MYOM1: variants seen among roughly 807,000 people sequenced by gnomAD.
The protein encoded by MYOM1 is myomesin 1, also known as myomesin-1.
Under a neutral mutation model 205.3 loss-of-function variants are expected in MYOM1, and 164 were observed. The ratio of observed to expected loss-of-function variants is 0.80; its 90% confidence interval spans 0.70 to 0.91. The LOEUF is 0.91. MYOM1 is among the 40% of genes least tolerant of loss of function. MYOM1 has a pLI of 0.00. For missense variants in MYOM1, 2,011 were observed against 2,127.3 expected, an observed-to-expected ratio of 0.95 and a Z score of 1.08; for synonymous variants, 772 against 789.4, an observed-to-expected ratio of 0.98 and a Z score of 0.37.
chr18:3,157,684 AATAATAATAATAAT>A, intron 10 of MYOM1, among the ~76,000 whole-genome samples: 1 of 38,750 alleles, frequency 2.6e-5, no homozygotes, highest in Non-Finnish European at 5.9e-5. Context: ...CTCCAAAAAT[AATAATAATAATAAT>A]AATAATAATA....
At chr18:3,235,477 C>T in the MYOM1 span, among the ~76,000 whole-genome samples, 1 of 152,228 alleles carries the variant, frequency 6.6e-6, no homozygotes, top group Non-Finnish European at 1.5e-5. Context: ...TCCCACTGAC[C>T]TTTGAAACAT....
chr18:3,083,853 C>T lies in MYOM1; in HGVS notation c.4420G>A (p.Gly1474Ser), dbSNP rs2143683082. The change falls in exon 33 of 38, where the codon GGC (glycine) becomes AGC (serine). Residue 1474 changes from glycine (G) to serine (S), a missense_variant. Gly to Ser is a moderately conservative substitution (Grantham distance 56, BLOSUM62 0). Coordinates refer to ENST00000356443, the MANE Select transcript of MYOM1 (RefSeq NM_003803.4). ...TDLKIQSTAE[G>S]IQLYSFVTYY... ...GTTACAAAAGAGTACAGTTGGATGC[C>T]CTCGGCTGTGCTCTGGATTTTCAGG... 6.3e-7 allele frequency: 1 copy of T among 1,584,206 alleles called. No homozygotes were observed. The highest frequency in any genetic ancestry group is 8.6e-7 in the Non-Finnish European group (1 of 1,163,878).
At chr18:3,113,688 C>T (rs9652946) in intron 21 of MYOM1, among the ~76,000 whole-genome samples, 132,525 of 151,888 alleles carry the variant, frequency 0.87, 58,332 homozygotes, top group East Asian at 0.97. Context: ...ATTACTATTA[C>T]CAATACTGTT....
intron 9 of MYOM1, 21 bp downstream of exon 9, chr18:3,168,796 G>A: frequency 6.2e-7 from 1 of 1,612,522 alleles, no homozygotes; most frequent in African/African-American, 1.3e-5. Context: ...ACCTAAGTGA[G>A]CATTCATTGT....
chr18:3,088,406 C>T (rs1314147233), intron 29 of MYOM1, among the ~76,000 whole-genome samples: 1 of 152,068 alleles, frequency 6.6e-6, no homozygotes, highest in Non-Finnish European at 1.5e-5. Context: ...AACTGATTTT[C>T]CTTATATGTA....
At chr18:3,177,846 C>T (rs2080670143) in intron 5 of MYOM1, among the ~76,000 whole-genome samples, 1 of 152,114 alleles carries the variant, frequency 6.6e-6, no homozygotes, top group Non-Finnish European at 1.5e-5. Context: ...ATGGCTCTTG[C>T]CTTGGAAGAA....
chr18:3,189,157 T>A lies in MYOM1; in HGVS notation c.432-70A>T. ...GATAAGATTGAGTAATTTTACTAAG[T>A]TCAAAGTACCACATCTCAGACACTG... On this transcript the variant is annotated intron_variant, in intron 3 of 37. Coordinates refer to ENST00000356443, the MANE Select transcript of MYOM1 (RefSeq NM_003803.4). The surrounding 1 kb of genome is among the most constrained non-coding windows in gnomAD (Gnocchi z 4.8). 7.0e-7 allele frequency: 1 copy of A among 1,422,472 alleles called. No individual in the cohort carries two copies. The highest frequency in any genetic ancestry group is 1.3e-5 in the South Asian group (1 of 77,020). The allele number at this position is 1,422,472 out of a possible 1,614,324, so 88.1% of individuals were successfully genotyped here.
the MYOM1 span, among the ~76,000 whole-genome samples, chr18:3,242,356 C>G: frequency 6.6e-6 from 1 of 152,164 alleles, no homozygotes; most frequent in Admixed American, 6.5e-5. Flanking sequence ...GATCTGATGG[C>G]TTTAAAAAGG....
intron 17 of MYOM1, among the ~76,000 whole-genome samples, chr18:3,129,745 G>A (rs186052545): frequency 1.1e-4 from 16 of 152,280 alleles, no homozygotes. Flanking sequence ...AAGAAGAAAT[G>A]AGAACAAAGA....
intron 21 of MYOM1, 114 bp from the exon 22 acceptor site, chr18:3,112,526 G>A: frequency 4.5e-6 from 3 of 665,764 alleles, no homozygotes; most frequent in Non-Finnish European, 7.2e-6. Context: ...CCTAGCACCA[G>A]GGATACAAGA....
Position 3,067,238 on chromosome 18 carries a change from G to T in MYOM1, c.*24C>A. On this transcript the variant is annotated 3_prime_UTR_variant, in exon 38 of 38. Coordinates refer to ENST00000356443, the MANE Select transcript of MYOM1 (RefSeq NM_003803.4). Reference sequence around the variant, plus strand: ...CATTCACACCCAAGTCACACAGGCCGGCTGGCTCTCCTCGCACCTCCGGTC... The same window carrying T: ...CATTCACACCCAAGTCACACAGGCCTGCTGGCTCTCCTCGCACCTCCGGTC... 2 of 1,565,806 alleles carry T rather than the reference G, an allele frequency of 1.3e-6. No individual in the cohort carries two copies. The highest frequency in any genetic ancestry group is 1.9e-5 in the Admixed American group (1 of 53,348).
the MYOM1 span, among the ~76,000 whole-genome samples, chr18:3,229,940 C>T: frequency 1.8e-4 from 23 of 128,858 alleles, no homozygotes; most frequent in African/African-American, 6.7e-4. Flanking sequence ...TGCGCCATTG[C>T]ACTCCATCCT....
At chr18:3,075,667 G>A (rs758432866) in intron 35 of MYOM1, 58 bp downstream of exon 35, 1 of 1,561,834 alleles carries the variant, frequency 6.4e-7, no homozygotes, top group Admixed American at 1.7e-5. Context: ...CGAGCAGCAT[G>A]CAAGCTTCCC....
chr18:3,186,937 A>C (rs575404913), intron 5 of MYOM1, among the ~76,000 whole-genome samples: 1 of 152,044 alleles, frequency 6.6e-6, no homozygotes, highest in African/African-American at 2.4e-5. Flanking sequence ...AAAAAGAAAG[A>C]AAAAAGGAAA....
intron 33 of MYOM1, 68 bp downstream of exon 33, chr18:3,083,721 C>T: frequency 1.6e-6 from 2 of 1,232,602 alleles, no homozygotes; most frequent in Non-Finnish European, 2.3e-6. Flanking sequence ...GCTGGGATTA[C>T]AGGTGTGAGC....
rs2143991271 is a variant in MYOM1 at position 3,151,737 on chromosome 18, C to A, written c.1800G>T (p.Glu600Asp). The change falls in exon 12 of 38, where the codon GAG becomes GAT. Residue 600 changes from glutamate (E) to aspartate (D), a missense_variant. Glu to Asp is a conservative substitution (Grantham distance 45). Transcript: ENST00000356443. ...CAGCCGGATCCAGAGCAGCCACGGGCTCGGAAACTCGAGATGGGAAACCTA... is the reference window on the plus strand; with the variant it reads ...CAGCCGGATCCAGAGCAGCCACGGGATCGGAAACTCGAGATGGGAAACCTA... ...MGIGFPSRVS[E>D]PVAALDPAEK... is the part of the protein sequence containing the mutation. The A allele has an allele frequency of 6.2e-7, 1 of 1,613,802 alleles. No homozygotes were observed. Among genetic ancestry groups the A allele is most frequent in the Non-Finnish European group, 8.5e-7 (1 of 1,179,780 alleles).
At chr18:3,097,232 G>C (rs1459666308) in intron 25 of MYOM1, among the ~76,000 whole-genome samples, 1 of 152,148 alleles carries the variant, frequency 6.6e-6, no homozygotes, top group Non-Finnish European at 1.5e-5. Flanking sequence ...TCAAGAAATT[G>C]CATGTGCTAC....
At chr18:3,238,956 T>C in the MYOM1 span, among the ~76,000 whole-genome samples, 1 of 152,244 alleles carries the variant, frequency 6.6e-6, no homozygotes, top group African/African-American at 2.4e-5. Context: ...GTGGCAACGC[T>C]GGGTATACCC....
At chr18:3,117,325 C>T (rs912137725) in intron 20 of MYOM1, among the ~76,000 whole-genome samples, 14 of 152,180 alleles carry the variant, frequency 9.2e-5, no homozygotes, top group African/African-American at 3.1e-4. Flanking sequence ...AAAGAGTATG[C>T]GCAGCCCACA....
Sources: allele counts gnomAD v4.1 joint callset (sites outside exome capture counted in the v4.1 genomes callset), GRCh38; gene constraint gnomAD v4.1.1; non-coding constraint Gnocchi (gnomAD v3.1); transcripts MANE v1.5; gene names NCBI Gene and HGNC (gene_info 2026-07-23, HGNC 2026-07-21).